Variants in PROM1 observed in about 807,000 individuals in gnomAD.
The protein encoded by PROM1 is prominin-1.
A neutral mutation model predicts 116.9 loss-of-function variants in PROM1; 105 were observed. The observed-to-expected ratio is 0.90, with a 90% CI of 0.77 to 1.06. The LOEUF is 1.06. PROM1 is among the 50% of genes least tolerant of loss of function. PROM1 has a pLI of 0.00. For synonymous variants in PROM1, 393 were observed against 387.0 expected, an observed-to-expected ratio of 1.02 and a Z score of -0.18; for missense variants, 1,122 against 1,045.2, an observed-to-expected ratio of 1.07 and a Z score of -1.01.
intron 2 of PROM1, among the ~76,000 whole-genome samples, chr4:16,058,389 AC>A (rs1215553643): frequency 6.6e-6 from 1 of 152,238 alleles, no homozygotes; most frequent in African/African-American, 2.4e-5. Context: ...CAAATGATAA[AC>A]TATCAGAAAT....
intron 10 of PROM1, among the ~76,000 whole-genome samples, chr4:16,015,924 G>C (rs1370435981): frequency 6.6e-6 from 1 of 152,004 alleles, no homozygotes; most frequent in African/African-American, 2.4e-5. Flanking sequence ...GGAAAGCAGA[G>C]GTCATGTTCT....
chr4:16,033,555 A>G, intron 4 of PROM1, 46 bp from the exon 5 acceptor site: 3 of 1,330,420 alleles, frequency 2.3e-6, no homozygotes, highest in Admixed American at 2.3e-5. Flanking sequence ...GCACAAAATA[A>G]TAAGTAGAAC....
At chr4:16,058,593 G>A (rs936164543) in intron 2 of PROM1, among the ~76,000 whole-genome samples, 1 of 150,650 alleles carries the variant, frequency 6.6e-6, no homozygotes, top group African/African-American at 2.4e-5. Context: ...GTTGCAGCGA[G>A]CCAAGATCAC....
intron 1 of PROM1, among the ~76,000 whole-genome samples, chr4:16,083,065 G>T (rs1745340419): frequency 6.6e-6 from 1 of 152,058 alleles, no homozygotes; most frequent in Admixed American, 6.5e-5. Flanking sequence ...GACGCGGGGA[G>T]ATGGCCTCGC....
At chr4:16,043,316 G>A (rs1008936464) in intron 2 of PROM1, among the ~76,000 whole-genome samples, 1 of 152,158 alleles carries the variant, frequency 6.6e-6, no homozygotes, top group Non-Finnish European at 1.5e-5. Flanking sequence ...CCTGCTTTTT[G>A]TTTGTTTTGT....
At chr4:16,013,171 G>A (rs1021718893) in intron 11 of PROM1, 104 bp downstream of exon 11, 80 of 908,750 alleles carry the variant, frequency 8.8e-5, no homozygotes, top group Non-Finnish European at 1.3e-4. Flanking sequence ...CAGCTTTAAT[G>A]AGAAACTGTT....
intron 2 of PROM1, among the ~76,000 whole-genome samples, chr4:16,064,095 C>A (rs1740958058): frequency 6.6e-6 from 1 of 152,124 alleles, no homozygotes; most frequent in African/African-American, 2.4e-5. Flanking sequence ...AATGCATACC[C>A]CATCGTGCAG....
At chr4:16,044,337 G>T (rs1716795190) in intron 2 of PROM1, among the ~76,000 whole-genome samples, 1 of 152,186 alleles carries the variant, frequency 6.6e-6, no homozygotes. Context: ...CCTGTTGTTT[G>T]CAGTAGATTT....
chr4:15,998,309 A>G, intron 15 of PROM1, 76 bp downstream of exon 15: 1 of 1,457,026 alleles, frequency 6.9e-7, no homozygotes, highest in Non-Finnish European at 9.0e-7. Context: ...AGATTTAAAA[A>G]CACTTCAAAT....
chr4:15,978,991 A>G (rs190699542), intron 26 of PROM1, among the ~76,000 whole-genome samples: 59 of 147,236 alleles, frequency 4.0e-4, no homozygotes, highest in African/African-American at 1.5e-3. Context: ...AGGAAGGAAA[A>G]AAGGAAGGAA....
At chr4:15,999,794 T>C (rs933853437) in intron 14 of PROM1, among the ~76,000 whole-genome samples, 6 of 151,742 alleles carry the variant, frequency 4.0e-5, no homozygotes, top group African/African-American at 1.5e-4. Context: ...CGGAAAAATG[T>C]ATATACAATG....
At chr4:15,999,465 C>G (rs537934691) in intron 14 of PROM1, among the ~76,000 whole-genome samples, 1 of 150,360 alleles carries the variant, frequency 6.7e-6, no homozygotes, top group South Asian at 2.1e-4. Context: ...AGTGAGACTC[C>G]GTCTTAAAAA....
At chr4:16,061,822 T>G (rs1740373352) in intron 2 of PROM1, among the ~76,000 whole-genome samples, 1 of 152,004 alleles carries the variant, frequency 6.6e-6, no homozygotes, top group African/African-American at 2.4e-5. Flanking sequence ...TTCTGGTGGT[T>G]CCTTGAGTTG....
Position 15,998,452 on chromosome 4 carries a change from C to G in PROM1, c.1615G>C (p.Glu539Gln). The change falls in exon 15 of 28, where the codon GAA becomes CAA. Residue 539 changes from glutamate to glutamine, a missense_variant. By Grantham distance (29) the Glu-to-Gln change is conservative (BLOSUM62 2). Transcript: ENST00000447510. ...DTPYLLNEDW[E>Q]YYLSGKLFNK... ...AATAGCTTCCCAGAGAGATAGTATT[C>G]CCAGTCTTCATTTAGTAAGTAGGGT... 1 of 1,608,450 alleles carries G rather than the reference C, an allele frequency of 6.2e-7. No individual in the cohort carries two copies. Among genetic ancestry groups the G allele is most frequent in the South Asian group, 1.1e-5 (1 of 89,092 alleles).
At chr4:16,055,578 C>G (rs1738808868) in intron 2 of PROM1, 1 of 337,926 alleles carries the variant, frequency 3.0e-6, no homozygotes, top group African/African-American at 2.1e-5. Context: ...GGGTTTTCGT[C>G]TGAAGAGAGG....
chr4:15,983,932 G>C (rs1353660727), intron 23 of PROM1, among the ~76,000 whole-genome samples: 1 of 152,150 alleles, frequency 6.6e-6, no homozygotes, highest in Non-Finnish European at 1.5e-5. Context: ...ATGCAACTTT[G>C]GGGTTGTAAA....
intron 23 of PROM1, among the ~76,000 whole-genome samples, chr4:15,981,931 C>G (rs1036832493): frequency 6.6e-6 from 1 of 152,236 alleles, no homozygotes; most frequent in East Asian, 1.9e-4. Flanking sequence ...AAGCAAGAGT[C>G]TGGAAGTGGT....
At chr4:16,000,080 C>T (rs1256197043) in intron 14 of PROM1, among the ~76,000 whole-genome samples, 2 of 152,204 alleles carry the variant, frequency 1.3e-5, no homozygotes, top group East Asian at 3.8e-4. Context: ...AAATATAGGG[C>T]TCATCTGTGT....
intron 17 of PROM1, among the ~76,000 whole-genome samples, chr4:15,991,881 A>T (rs1721098928): frequency 7.4e-6 from 1 of 135,908 alleles, no homozygotes; most frequent in East Asian, 2.3e-4. Flanking sequence ...GGTTGCAGTG[A>T]GCCGAGATTG....
Sources: gnomAD v4.1 joint callset for allele counts (sites outside exome capture counted in the v4.1 genomes callset) on GRCh38, gnomAD v4.1.1 for gene constraint, MANE v1.5 for transcripts, NCBI Gene and HGNC (gene_info 2026-07-23, HGNC 2026-07-21) for gene names.